UBE2V2: variants seen among roughly 807,000 people sequenced by gnomAD.
The protein encoded by UBE2V2 is ubiquitin-conjugating enzyme E2 variant 2.
Under a neutral mutation model 17.2 loss-of-function variants are expected in UBE2V2, and 9 were observed. The observed-to-expected ratio is 0.52, with a 90% confidence interval of 0.32 to 0.91. The LOEUF is 0.91. Ranked by LOEUF, UBE2V2 falls within the 40% of genes least tolerant of loss-of-function variation. The pLI is 0.04. For synonymous variants in UBE2V2, 61 were observed against 57.5 expected (o/e 1.06, Z -0.28); for missense variants, 133 against 182.6 (o/e 0.73, Z 1.56).
At chr8:48,044,630 A>G (rs990504041) in intron 2 of UBE2V2, among the ~76,000 whole-genome samples, 15 of 152,130 alleles carry the variant, frequency 9.9e-5, no homozygotes, top group African/African-American at 3.4e-4. Context: ...CATTTTAGGA[A>G]GGAAATATAA....
rs1406660939 is a variant in UBE2V2, at chr8:48,044,386, T to C, written c.165+1205T>C. Among the ~76,000 whole-genome samples, 4 of 152,174 alleles carry C rather than the reference T, an allele frequency of 2.6e-5. No individual in the cohort carries two copies. The East Asian group carries it at 7.7e-4, about 29-fold the overall frequency. ...CTGGTCTCGAACTCCTGGCCTCAAG[T>C]GATCCACCTGCCTTGGCCTCCCAAA... On this transcript the variant is annotated intron_variant, in intron 2 of 3. Coordinates refer to ENST00000523111, the MANE Select transcript of UBE2V2 (RefSeq NM_003350.3).
rs542533431 is a variant in UBE2V2 at position 48,037,889 on chromosome 8, T to C, written c.17-5144T>C. 2.9e-3 allele frequency among the ~76,000 whole-genome samples: 449 copies of C among 152,258 alleles called. 3 individuals carry two copies. The highest frequency in any genetic ancestry group is 0.011 in the African/African-American group (440 of 41,560). On this transcript the variant is annotated intron_variant, in intron 1 of 3. Coordinates refer to ENST00000523111, the MANE Select transcript of UBE2V2 (RefSeq NM_003350.3). ...CTCCTCCTCTTACCTCCCAATCCAT[T>C]CCCACGTTGCAGCAAAGTGAAGTTT...
intron 3 of UBE2V2, among the ~76,000 whole-genome samples, chr8:48,058,750 AT>A (rs1462817002): frequency 6.6e-6 from 1 of 151,896 alleles, no homozygotes; most frequent in African/African-American, 2.4e-5. Context: ...TTTATTGAGT[AT>A]TTATATCATG....
chr8:48,008,460 G>A lies in UBE2V2; in HGVS notation c.6G>A (p.Ala2=). Residue 2 remains alanine, a synonymous_variant, in exon 1 of 4, where the codon GCG becomes GCA. Transcript: ENST00000523111. ...GCGTCGGGCTGCAGGAGAAGATGGCGGTCTCCACAGGTCGGTTCCCGGGCC... is the reference window on the plus strand; with the variant it reads ...GCGTCGGGCTGCAGGAGAAGATGGCAGTCTCCACAGGTCGGTTCCCGGGCC... M[A]VSTGVKVPRN... 1 of 1,567,398 alleles carries A rather than the reference G, an allele frequency of 6.4e-7. No homozygotes were observed. Among genetic ancestry groups the A allele is most frequent in the Non-Finnish European group, 8.6e-7 (1 of 1,158,990 alleles).
intron 1 of UBE2V2, among the ~76,000 whole-genome samples, chr8:48,024,755 A>C (rs1026171945): frequency 1.4e-4 from 22 of 152,246 alleles, no homozygotes; most frequent in African/African-American, 5.1e-4. Context: ...TAAAGGCATT[A>C]ATAGAATATT....
At chr8:48,035,107 CTT>C (rs578114987) in intron 1 of UBE2V2, 54,783 of 751,942 alleles carry the variant, frequency 0.073, no homozygotes, top group Middle Eastern at 0.092. Flanking sequence ...CCTATTTATT[CTT>C]TTTTTTTTTT....
chr8:48,054,069 T>C (rs1364303451), intron 3 of UBE2V2, among the ~76,000 whole-genome samples: 1 of 152,030 alleles, frequency 6.6e-6, no homozygotes, highest in Non-Finnish European at 1.5e-5. Flanking sequence ...CCTCCCAGAG[T>C]GCTGGGTGGG....
At chr8:48,042,078 C>G (rs1008512453) in intron 1 of UBE2V2, 17 of 152,102 alleles carry the variant, frequency 1.1e-4, no homozygotes, top group Admixed American at 1.1e-3. Context: ...CAGGCCCAGC[C>G]GTATCCACTC....
rs1020663995 is a variant in UBE2V2, at chr8:48,061,638, T to A, written c.*810T>A. 5 of 152,744 alleles carry A rather than the reference T, an allele frequency of 3.3e-5. No individual in the cohort carries two copies. The highest frequency in any genetic ancestry group is 1.9e-4 in the East Asian group (1 of 5,190). The allele number at this position is 152,744 out of a possible 1,614,324, so 9.5% of individuals were successfully genotyped here. On this transcript the variant is annotated 3_prime_UTR_variant, in exon 4 of 4. Coordinates refer to ENST00000523111, the MANE Select transcript of UBE2V2 (RefSeq NM_003350.3). Reference sequence around the variant, plus strand: ...CTTGCCAGGGAAGCAAAAATTGGAATTATTGTAGCTTTTCATGTATACACA... The same window carrying A: ...CTTGCCAGGGAAGCAAAAATTGGAAATATTGTAGCTTTTCATGTATACACA...
At chr8:48,035,515 C>T (rs2091416545) in intron 1 of UBE2V2, among the ~76,000 whole-genome samples, 1 of 151,772 alleles carries the variant, frequency 6.6e-6, no homozygotes, top group African/African-American at 2.4e-5. Context: ...TGGAGGATGG[C>T]TCACAGCACT....
At chr8:48,047,262 G>A (rs2091506171) in intron 2 of UBE2V2, among the ~76,000 whole-genome samples, 1 of 151,914 alleles carries the variant, frequency 6.6e-6, no homozygotes, top group Non-Finnish European at 1.5e-5. Context: ...TTTTTATGTT[G>A]TTCTAGTATT....
intron 1 of UBE2V2, among the ~76,000 whole-genome samples, chr8:48,011,588 T>A (rs1024503758): frequency 7.9e-5 from 12 of 151,928 alleles, no homozygotes; most frequent in African/African-American, 2.4e-4. Flanking sequence ...GTGTGCATCA[T>A]ATACCTTAGC....
At chr8:48,016,782 T>A (rs2091271891) in intron 1 of UBE2V2, among the ~76,000 whole-genome samples, 1 of 124,344 alleles carries the variant, frequency 8.0e-6, no homozygotes, top group South Asian at 2.6e-4. Flanking sequence ...GTGCCCAGCC[T>A]TTTTTTTTTT....
At chr8:48,059,615 G>A (rs1205028084) in intron 3 of UBE2V2, among the ~76,000 whole-genome samples, 1 of 151,860 alleles carries the variant, frequency 6.6e-6, no homozygotes, top group Non-Finnish European at 1.5e-5. Flanking sequence ...CACTATCTAT[G>A]TTGGCCATGC....
At chr8:48,001,416 A>G in the UBE2V2 span, among the ~76,000 whole-genome samples, 1 of 152,112 alleles carries the variant, frequency 6.6e-6, no homozygotes, top group Admixed American at 6.6e-5. Context: ...CCTGGGCAAC[A>G]TGGTGAAACC....
At position 48,062,812 on chromosome 8, in the gene UBE2V2, T is replaced by G. The variant is rs1364951955; in HGVS notation, c.*1984T>G. The G allele has an allele frequency of 6.6e-6, 1 of 152,178 alleles. No individual in the cohort carries two copies. The highest frequency in any genetic ancestry group is 1.5e-5 in the Non-Finnish European group (1 of 68,042). 9.4% of individuals were successfully genotyped at this position (152,178 alleles called of 1,614,324 possible). The stretch of plus-strand genomic sequence containing the variant: ...GTTGCATTTTAATTATCAAAAATGT[T>G]TAAAATGCTTTAAGATGACACATAG... On this transcript the variant is annotated 3_prime_UTR_variant, in exon 4 of 4. Transcript: ENST00000523111.
At chr8:48,051,442 A>T (rs45590532) in intron 3 of UBE2V2, among the ~76,000 whole-genome samples, 1 of 152,038 alleles carries the variant, frequency 6.6e-6, no homozygotes, top group East Asian at 1.9e-4. Context: ...TTGTACTACA[A>T]ATGTATCACA....
intron 3 of UBE2V2, among the ~76,000 whole-genome samples, chr8:48,059,496 C>T (rs1180753133): frequency 1.3e-5 from 2 of 152,022 alleles, no homozygotes; most frequent in African/African-American, 4.8e-5. Context: ...GCAGCCTCCA[C>T]CTCCCAGGTT....
At chr8:48,002,773 C>T in the UBE2V2 span, among the ~76,000 whole-genome samples, 5 of 152,240 alleles carry the variant, frequency 3.3e-5, no homozygotes, top group Middle Eastern at 3.4e-3. Context: ...TTAATAACAA[C>T]GTACTGTATT....
Sources: gnomAD v4.1 joint callset for allele counts (sites outside exome capture counted in the v4.1 genomes callset) on GRCh38, gnomAD v4.1.1 for gene constraint, MANE v1.5 for transcripts, NCBI Gene and HGNC (gene_info 2026-07-23, HGNC 2026-07-21) for gene names.